The following PCDH11X variants were observed in gnomAD, a reference collection of about 807,000 sequenced individuals.
PCDH11X encodes the protein protocadherin 11 X-linked.
Under a neutral mutation model 53.3 loss-of-function variants are expected in PCDH11X, and 18 were observed. The observed-to-expected ratio is 0.34, with a 90% confidence interval of 0.23 to 0.50. The LOEUF (loss-of-function observed/expected upper bound fraction) is 0.50. PCDH11X is among the 20% of genes least tolerant of loss of function. The probability of loss-of-function intolerance (pLI) is 0.98; values close to 1 mark genes in which losing one functional copy is unlikely to be tolerated. For synonymous variants in PCDH11X, 279 were observed against 393.3 expected (o/e 0.71, Z 3.44); for missense variants, 570 against 1,032.4 (o/e 0.55, Z 6.14).
At chrX:91,810,734 T>C (rs1395848372) in intron 3 of PCDH11X, among the ~76,000 whole-genome samples, 156 bp downstream of exon 3, 1 of 112,233 alleles carries the variant, frequency 8.9e-6, no homozygotes, top group Admixed American at 9.4e-5. Flanking sequence ...GTGATGTATA[T>C]TATGTGATTG....
chrX:92,154,755 C>A (rs1179006539), intron 6 of PCDH11X, among the ~76,000 whole-genome samples: 2 of 106,251 alleles, frequency 1.9e-5, no homozygotes, highest in African/African-American at 6.9e-5. Context: ...CTGGCCAGAG[C>A]CGTCGGAGAA....
chrX:91,824,301 T>C (rs1385452180), intron 4 of PCDH11X, among the ~76,000 whole-genome samples: 1 of 110,674 alleles, frequency 9.0e-6, no homozygotes, highest in Non-Finnish European at 1.9e-5. Context: ...CCCCATCACT[T>C]TCAGGTACAC....
intron 6 of PCDH11X, among the ~76,000 whole-genome samples, chrX:91,929,957 A>G (rs1234135158): frequency 1.8e-5 from 2 of 111,254 alleles, no homozygotes; most frequent in South Asian, 7.4e-4. Flanking sequence ...GATTTACTTA[A>G]AAAGAGGAGG....
chrX:91,976,339 A>G (rs2062046517), intron 6 of PCDH11X, among the ~76,000 whole-genome samples: 2 of 112,541 alleles, frequency 1.8e-5, no homozygotes, highest in African/African-American at 6.5e-5. Context: ...TAATTTTGAT[A>G]GCACAGTTAT....
intron 8 of PCDH11X, among the ~76,000 whole-genome samples, chrX:92,308,408 G>A: frequency 9.0e-6 from 1 of 111,581 alleles, no homozygotes; most frequent in Non-Finnish European, 1.9e-5. Flanking sequence ...GGAAAAGACA[G>A]TCTATTTAAC....
At chrX:92,403,976 C>A (rs996204178) in intron 9 of PCDH11X, among the ~76,000 whole-genome samples, 1 of 109,769 alleles carries the variant, frequency 9.1e-6, no homozygotes, top group African/African-American at 3.3e-5. Context: ...ATGGTGATAG[C>A]GGCAGAATAT....
intron 9 of PCDH11X, among the ~76,000 whole-genome samples, chrX:92,439,413 G>C (rs1271231666): frequency 9.0e-6 from 1 of 111,163 alleles, no homozygotes; most frequent in Non-Finnish European, 1.9e-5. Flanking sequence ...TGGAATCAGA[G>C]CCATAGGATC....
intron 7 of PCDH11X, among the ~76,000 whole-genome samples, chrX:92,243,134 C>G (rs1467792885): frequency 9.0e-6 from 1 of 111,575 alleles, no homozygotes; most frequent in Non-Finnish European, 1.9e-5. Flanking sequence ...AAGCATTTCA[C>G]TTTAGGTGTC....
chrX:92,060,747 G>C (rs2063512966), intron 6 of PCDH11X, among the ~76,000 whole-genome samples: 1 of 111,179 alleles, frequency 9.0e-6, no homozygotes. Context: ...CATTTAGGTT[G>C]GTTCCATGCC....
chrX:92,041,294 A>G (rs1283212711), intron 6 of PCDH11X, among the ~76,000 whole-genome samples: 1 of 108,359 alleles, frequency 9.2e-6, no homozygotes, highest in African/African-American at 3.4e-5. Flanking sequence ...ATACTTGACT[A>G]CAAATTATAA....
chrX:92,045,502 G>A (rs1366490602), intron 6 of PCDH11X, among the ~76,000 whole-genome samples: 5 of 108,108 alleles, frequency 4.6e-5, no homozygotes, highest in Non-Finnish European at 9.5e-5. Flanking sequence ...GGTGTACACT[G>A]ATACAAATCA....
At chrX:92,552,672 T>C (rs965863714) in intron 10 of PCDH11X, among the ~76,000 whole-genome samples, 24 of 111,132 alleles carry the variant, frequency 2.2e-4, no homozygotes, top group African/African-American at 7.5e-4. Flanking sequence ...TGAGGTTCTG[T>C]CATATATGGC....
chrX:91,913,747 C>T (rs1430383065), intron 6 of PCDH11X, among the ~76,000 whole-genome samples: 3 of 111,453 alleles, frequency 2.7e-5, no homozygotes, highest in African/African-American at 9.8e-5. Context: ...ACTACTATCA[C>T]AGCTGGTGCT....
At chrX:92,355,163 C>G (rs1259614857) in intron 8 of PCDH11X, among the ~76,000 whole-genome samples, 1 of 103,633 alleles carries the variant, frequency 9.6e-6, no homozygotes, top group Non-Finnish European at 1.9e-5. Context: ...CGCGGTGGTT[C>G]ACGCCTGTAA....
chrX:91,963,870 C>T (rs2061827797), intron 6 of PCDH11X, among the ~76,000 whole-genome samples: 1 of 109,869 alleles, frequency 9.1e-6, no homozygotes, highest in African/African-American at 3.4e-5. Flanking sequence ...AGGTGAAGTG[C>T]CAAGCGAAAC....
In PCDH11X at chrX:92,012,440, T is replaced by G. The variant is rs539964386; in HGVS notation, c.3033+133167T>G. 9.0e-5 allele frequency among the ~76,000 whole-genome samples: 10 copies of G among 111,688 alleles called. No individual in the cohort carries two copies. The South Asian group carries it at 3.3e-3, about 37-fold the overall frequency. On this transcript the variant is annotated intron_variant, in intron 6 of 10. Transcript: ENST00000682573. ...TTGTAATTGGCTTCTGTAAGAGGAC[T>G]TTTTTCCCTTAAAAATGTAGAGAAC...
intron 10 of PCDH11X, among the ~76,000 whole-genome samples, chrX:92,501,542 G>A (rs1411704544): frequency 8.9e-6 from 1 of 111,738 alleles, no homozygotes; most frequent in Non-Finnish European, 1.9e-5. Flanking sequence ...GATCATGCTG[G>A]CTTCATCCCT....
chrX:91,850,335 G>A (rs192582511), intron 5 of PCDH11X, among the ~76,000 whole-genome samples: 210 of 110,018 alleles, frequency 1.9e-3, no homozygotes, highest in Non-Finnish European at 2.7e-3. Context: ...TGCTACATTC[G>A]TTTTGAAGAT....
chrX:92,235,562 T>A (rs756160835), intron 7 of PCDH11X, among the ~76,000 whole-genome samples: 1 of 111,816 alleles, frequency 8.9e-6, no homozygotes, highest in Non-Finnish European at 1.9e-5. Context: ...ATTTTAAAAA[T>A]TATTATTACT....
Sources: gnomAD v4.1 joint callset for allele counts (sites outside exome capture counted in the v4.1 genomes callset) on GRCh38, gnomAD v4.1.1 for gene constraint, MANE v1.5 for transcripts, NCBI Gene and HGNC (gene_info 2026-07-23, HGNC 2026-07-21) for gene names.